LRRC4C: variants seen among roughly 807,000 people sequenced by gnomAD.
LRRC4C encodes leucine rich repeat containing 4C, also known as leucine-rich repeat-containing protein 4C.
In LRRC4C, 5 loss-of-function variants were observed where a neutral mutation model predicts 33.6. That is an observed-to-expected ratio of 0.15 (90% CI 0.08 to 0.31). The LOEUF (loss-of-function observed/expected upper bound fraction) is 0.31, where lower values mean the gene tolerates loss of function less well. Among genes scored for constraint, LRRC4C ranks in the 10% least tolerant of loss-of-function variants. The probability of loss-of-function intolerance (pLI) is 1.00; values close to 1 mark genes in which losing one functional copy is unlikely to be tolerated. For synonymous variants in LRRC4C, 329 were observed against 302.0 expected (o/e 1.09, Z -0.93); for missense variants, 560 against 796.7 (o/e 0.70, Z 3.58).
At chr11:41,275,270 T>C (rs548045466) in intron 1 of LRRC4C, among the ~76,000 whole-genome samples, 129 of 152,194 alleles carry the variant, frequency 8.5e-4, no homozygotes, top group Middle Eastern at 3.4e-3. Flanking sequence ...TTCATAGTAA[T>C]GCAAAATGGA....
chr11:40,199,110 A>T (rs975943068), intron 5 of LRRC4C, among the ~76,000 whole-genome samples: 1 of 152,098 alleles, frequency 6.6e-6, no homozygotes, highest in African/African-American at 2.4e-5. Context: ...TCACTCTGTC[A>T]TCCAGGCTGG....
chr11:41,451,332 C>G (rs1213263887), intron 1 of LRRC4C, among the ~76,000 whole-genome samples: 1 of 151,804 alleles, frequency 6.6e-6, no homozygotes, highest in Non-Finnish European at 1.5e-5. Context: ...CTAAACACCC[C>G]CACCCACATA....
chr11:41,443,781 ATTT>A (rs11419487), intron 1 of LRRC4C, among the ~76,000 whole-genome samples: 1 of 115,136 alleles, frequency 8.7e-6, no homozygotes, highest in South Asian at 3.0e-4. Context: ...ACACCTAGCT[ATTT>A]TTTTTTTTTT....
chr11:41,409,377 T>C (rs542288445), intron 1 of LRRC4C, among the ~76,000 whole-genome samples: 1 of 152,228 alleles, frequency 6.6e-6, no homozygotes, highest in Non-Finnish European at 1.5e-5. Context: ...TGACTTGGAA[T>C]AAATGATAAA....
intron 3 of LRRC4C, among the ~76,000 whole-genome samples, chr11:40,499,511 T>C (rs974446628): frequency 1.3e-5 from 2 of 152,158 alleles, no homozygotes; most frequent in African/African-American, 4.8e-5. Flanking sequence ...AAAGAAGCCA[T>C]AAACTTGCCC....
At chr11:40,137,163 CGT>C (rs3039962) in intron 6 of LRRC4C, among the ~76,000 whole-genome samples, 1,577 of 147,064 alleles carry the variant, frequency 0.011, 12 homozygotes, top group South Asian at 0.027. Flanking sequence ...CACGTGGGCA[CGT>C]GTGTGTGTGT....
intron 1 of LRRC4C, among the ~76,000 whole-genome samples, chr11:41,178,717 T>G (rs1945314109): frequency 6.6e-6 from 1 of 152,170 alleles, no homozygotes; most frequent in African/African-American, 2.4e-5. Flanking sequence ...GTTTGTTTGT[T>G]TTTTGAGACG....
intron 3 of LRRC4C, among the ~76,000 whole-genome samples, chr11:40,505,100 A>G (rs1360441430): frequency 6.6e-6 from 1 of 152,070 alleles, no homozygotes; most frequent in Non-Finnish European, 1.5e-5. Flanking sequence ...TCAATTGGAT[A>G]AGGCTAAATC....
At chr11:41,411,103 G>A (rs1269180563) in intron 1 of LRRC4C, among the ~76,000 whole-genome samples, 1 of 142,660 alleles carries the variant, frequency 7.0e-6, no homozygotes, top group African/African-American at 2.7e-5. Context: ...GAAGGTTTAT[G>A]CACTTGCTTT....
intron 4 of LRRC4C, among the ~76,000 whole-genome samples, chr11:40,244,804 G>C (rs1199070608): frequency 6.6e-6 from 1 of 151,908 alleles, no homozygotes; most frequent in Non-Finnish European, 1.5e-5. Context: ...CATTGAGACT[G>C]ACTTTAAGTA....
intron 3 of LRRC4C, among the ~76,000 whole-genome samples, chr11:40,369,596 C>T (rs1409333337): frequency 6.6e-6 from 1 of 152,214 alleles, no homozygotes; most frequent in Non-Finnish European, 1.5e-5. Flanking sequence ...CCTCAGCCTC[C>T]CAAAGTGCTG....
intron 3 of LRRC4C, among the ~76,000 whole-genome samples, chr11:40,343,725 A>AAAAG (rs1555025545): frequency 1.4e-4 from 21 of 151,202 alleles, no homozygotes; most frequent in African/African-American, 4.4e-4. Flanking sequence ...AAAAAAAAAA[A>AAAAG]AGAGAGAGAC....
chr11:41,388,834 A>G (rs1319962534), intron 1 of LRRC4C, among the ~76,000 whole-genome samples: 2 of 151,854 alleles, frequency 1.3e-5, no homozygotes, highest in South Asian at 2.1e-4. Flanking sequence ...TTAAATACCA[A>G]TAGGTATATC....
intron 1 of LRRC4C, among the ~76,000 whole-genome samples, chr11:41,224,245 T>C (rs1947430186): frequency 6.6e-6 from 1 of 152,160 alleles, no homozygotes; most frequent in African/African-American, 2.4e-5. Flanking sequence ...CTACCTCCCT[T>C]GAAGGTATTT....
At chr11:40,847,888 G>C (rs1195471436) in intron 2 of LRRC4C, among the ~76,000 whole-genome samples, 1 of 151,628 alleles carries the variant, frequency 6.6e-6, no homozygotes, top group East Asian at 1.9e-4. Flanking sequence ...GTAGTCTTGG[G>C]AGGGTGTATG....
chr11:40,187,147 T>C (rs2135567879), intron 5 of LRRC4C, among the ~76,000 whole-genome samples: 1 of 151,298 alleles, frequency 6.6e-6, no homozygotes, highest in South Asian at 2.1e-4. Flanking sequence ...GCAGTGGGGG[T>C]GGTGGGGGAA....
chr11:41,137,260 A>G (rs1218878522), intron 1 of LRRC4C, among the ~76,000 whole-genome samples: 1 of 151,958 alleles, frequency 6.6e-6, no homozygotes, highest in Non-Finnish European at 1.5e-5. Flanking sequence ...AAAAAAAGAA[A>G]AAAAAGTGCC....
At chr11:41,097,934 G>A (rs1940919208) in intron 1 of LRRC4C, among the ~76,000 whole-genome samples, 1 of 151,974 alleles carries the variant, frequency 6.6e-6, no homozygotes, top group Non-Finnish European at 1.5e-5. Context: ...GTCCTGCTTT[G>A]TACCTCTCTA....
intron 5 of LRRC4C, among the ~76,000 whole-genome samples, chr11:40,227,852 G>A (rs373863237): frequency 1.3e-5 from 2 of 152,170 alleles, no homozygotes; most frequent in Admixed American, 1.3e-4. Flanking sequence ...TTAAAAGGAG[G>A]TGCTATGAAG....
Sources: allele counts gnomAD v4.1 joint callset (sites outside exome capture counted in the v4.1 genomes callset), GRCh38; gene constraint gnomAD v4.1.1; transcripts MANE v1.5; gene names NCBI Gene and HGNC (gene_info 2026-07-23, HGNC 2026-07-21).